BAZ2B: variants seen among roughly 807,000 people sequenced by gnomAD.
BAZ2B encodes the protein bromodomain adjacent to zinc finger domain 2B, also known as bromodomain adjacent to zinc finger domain protein 2B.
Under a neutral mutation model 246.0 loss-of-function variants are expected in BAZ2B, and 91 were observed. That is an observed-to-expected ratio of 0.37 (90% CI 0.31 to 0.44). The LOEUF is 0.44. BAZ2B is among the 20% of genes least tolerant of loss of function. BAZ2B has a pLI of 1.00. For missense variants in BAZ2B, 2,332 were observed against 2,533.7 expected, an observed-to-expected ratio of 0.92 and a Z score of 1.71; for synonymous variants, 855 against 860.0, an observed-to-expected ratio of 0.99 and a Z score of 0.10.
chr2:159,509,113 C>A (rs927646131), intron 2 of BAZ2B, among the ~76,000 whole-genome samples: 7 of 152,044 alleles, frequency 4.6e-5, no homozygotes, highest in Non-Finnish European at 1.0e-4. Flanking sequence ...TGAATGAAAT[C>A]ATTATAGTCC....
chr2:159,607,412 T>G (rs1202648554), intron 1 of BAZ2B, among the ~76,000 whole-genome samples: 2 of 152,164 alleles, frequency 1.3e-5, no homozygotes, highest in Admixed American at 1.3e-4. Flanking sequence ...GGGTTCTGGT[T>G]AATCTCAAAA....
intron 26 of BAZ2B, 57 bp downstream of exon 26, chr2:159,374,634 A>G: frequency 6.8e-7 from 1 of 1,473,600 alleles, no homozygotes; most frequent in Non-Finnish European, 9.5e-7. Flanking sequence ...ATCCCCTTAC[A>G]ATGTAGATTT....
At chr2:159,454,963 T>C (rs1268237453) in intron 3 of BAZ2B, among the ~76,000 whole-genome samples, 1 of 152,148 alleles carries the variant, frequency 6.6e-6, no homozygotes, top group Admixed American at 6.5e-5. Flanking sequence ...ACTTTTCTAA[T>C]ACTTGGAAAT....
At chr2:159,444,349 T>C (rs746496239) in intron 6 of BAZ2B, 1 of 152,174 alleles carries the variant, frequency 6.6e-6, no homozygotes, top group Non-Finnish European at 1.5e-5. Flanking sequence ...TTGGGGCCTA[T>C]GTACAGTACT....
At chr2:159,633,554 C>T in the BAZ2B span, among the ~76,000 whole-genome samples, 1 of 152,050 alleles carries the variant, frequency 6.6e-6, no homozygotes, top group Non-Finnish European at 1.5e-5. Flanking sequence ...CATGGTACTA[C>T]CACATGCCAT....
intron 1 of BAZ2B, among the ~76,000 whole-genome samples, chr2:159,579,140 T>C (rs1415878982): frequency 6.6e-6 from 1 of 151,474 alleles, no homozygotes; most frequent in East Asian, 1.9e-4. Flanking sequence ...CAGCAGCTGG[T>C]TTTTTGAAAA....
intron 27 of BAZ2B, among the ~76,000 whole-genome samples, chr2:159,368,266 T>C (rs1451167322): frequency 6.6e-6 from 1 of 152,144 alleles, no homozygotes; most frequent in Non-Finnish European, 1.5e-5. Context: ...TTGCCCAGGC[T>C]CGTTGTGAAC....
chr2:159,529,663 T>C (rs994811691), intron 2 of BAZ2B, among the ~76,000 whole-genome samples: 3 of 152,208 alleles, frequency 2.0e-5, no homozygotes, highest in Non-Finnish European at 2.9e-5. Flanking sequence ...TAAGTGTTAG[T>C]TGCCATCTAA....
At chr2:159,462,783 T>C in intron 3 of BAZ2B, 2 of 1,408,924 alleles carry the variant, frequency 1.4e-6, no homozygotes, top group Non-Finnish European at 2.0e-6. Flanking sequence ...TGGCTTTCAA[T>C]ACATGCAATA....
chr2:159,678,015 T>C, the BAZ2B span, among the ~76,000 whole-genome samples: 3 of 152,164 alleles, frequency 2.0e-5, no homozygotes, highest in Non-Finnish European at 4.4e-5. Flanking sequence ...ACTTTACAGC[T>C]ATGAGAAATA....
chr2:159,675,289 T>TA, the BAZ2B span, among the ~76,000 whole-genome samples: 1,109 of 145,100 alleles, frequency 7.6e-3, 17 homozygotes, highest in African/African-American at 0.025. Flanking sequence ...CTTCTTCAGT[T>TA]AAAAAAAAAA....
intron 31 of BAZ2B, among the ~76,000 whole-genome samples, chr2:159,339,959 G>A (rs2066337618): frequency 6.6e-6 from 1 of 151,980 alleles, no homozygotes; most frequent in Admixed American, 6.6e-5. Flanking sequence ...ATTGACTAAT[G>A]GGTACAAATA....
chr2:159,628,680 T>A, the BAZ2B span, among the ~76,000 whole-genome samples: 3 of 152,114 alleles, frequency 2.0e-5, no homozygotes, highest in Non-Finnish European at 4.4e-5. Flanking sequence ...CAAGACGGAT[T>A]AAAGACTTAA....
intron 1 of BAZ2B, among the ~76,000 whole-genome samples, chr2:159,614,403 C>T (rs1391884497): frequency 6.6e-6 from 1 of 151,954 alleles, no homozygotes; most frequent in East Asian, 1.9e-4. Context: ...TTAAAGTATC[C>T]ATTATCTTAA....
intron 1 of BAZ2B, among the ~76,000 whole-genome samples, chr2:159,594,674 C>T (rs1479303943): frequency 6.6e-6 from 1 of 151,482 alleles, no homozygotes; most frequent in Non-Finnish European, 1.5e-5. Flanking sequence ...TTTTGTTGCC[C>T]AGGATGGAGT....
intron 2 of BAZ2B, among the ~76,000 whole-genome samples, chr2:159,527,863 T>C (rs2084925513): frequency 6.6e-6 from 1 of 152,178 alleles, no homozygotes; most frequent in East Asian, 1.9e-4. Context: ...CAGGAAGAGC[T>C]TGAGAGTGTT....
At chr2:159,640,472 T>C in the BAZ2B span, among the ~76,000 whole-genome samples, 2 of 151,444 alleles carry the variant, frequency 1.3e-5, no homozygotes, top group Non-Finnish European at 2.9e-5. Flanking sequence ...CTTAAAACAT[T>C]CAAAAAAAAA....
Position 159,412,344 on chromosome 2 carries a change from G to A in BAZ2B, c.2668C>T (p.Gln890Ter). 2.5e-6 allele frequency: 4 copies of A among 1,614,000 alleles called. No individual in the cohort carries two copies. Among genetic ancestry groups the A allele is most frequent in the Non-Finnish European group, 3.4e-6 (4 of 1,179,902 alleles). The change falls in exon 14 of 37, where the codon CAA (glutamine) becomes TAA (stop). Residue 890 changes from glutamine (Q) to a stop codon, truncating the protein, a stop_gained. Transcript: ENST00000392783. LOFTEE classifies it high-confidence loss of function. ...NADAKLLRKL[Q>*]AQEIARQAAQ... ...ACATTATGTTTCTTACCTTGAGCTT[G>A]CAGTTTTCTTAGCAACTTTGCATCT...
At chr2:159,371,200 T>C (rs898361563) in intron 27 of BAZ2B, among the ~76,000 whole-genome samples, 6 of 152,066 alleles carry the variant, frequency 3.9e-5, no homozygotes, top group African/African-American at 1.4e-4. Flanking sequence ...TGGAGTGCAG[T>C]GGTGCACTCT....
Sources: gnomAD v4.1 joint callset for allele counts (sites outside exome capture counted in the v4.1 genomes callset) on GRCh38, gnomAD v4.1.1 for gene constraint, MANE v1.5 for transcripts, NCBI Gene and HGNC (gene_info 2026-07-23, HGNC 2026-07-21) for gene names.